MACROD2: variants seen among roughly 807,000 people sequenced by gnomAD.
MACROD2 encodes the protein ADP-ribose glycohydrolase MACROD2.
A neutral mutation model predicts 70.4 loss-of-function variants in MACROD2; 36 were observed. The observed-to-expected ratio is 0.51, with a 90% CI of 0.39 to 0.68. The LOEUF is 0.68. Ranked by LOEUF, MACROD2 falls within the 30% of genes least tolerant of loss-of-function variation. MACROD2 has a pLI of 0.00. For missense variants in MACROD2, 496 were observed against 538.4 expected, an observed-to-expected ratio of 0.92 and a Z score of 0.78; for synonymous variants, 172 against 178.8, an observed-to-expected ratio of 0.96 and a Z score of 0.30.
intron 2 of MACROD2, among the ~76,000 whole-genome samples, chr20:14,077,951 A>G (rs2053936248): frequency 1.4e-5 from 2 of 142,574 alleles, no homozygotes; most frequent in African/African-American, 5.3e-5. Flanking sequence ...TTCCCAGGCT[A>G]GAGTGCAATG....
intron 4 of MACROD2, among the ~76,000 whole-genome samples, chr20:14,528,000 C>G (rs1255448064): frequency 6.6e-6 from 1 of 152,102 alleles, no homozygotes; most frequent in Admixed American, 6.5e-5. Context: ...TTGCTTTTCT[C>G]AAGTCCATCC....
intron 6 of MACROD2, among the ~76,000 whole-genome samples, chr20:15,232,507 T>G (rs1339702212): frequency 2.6e-5 from 4 of 152,002 alleles, no homozygotes; most frequent in Non-Finnish European, 4.4e-5. Flanking sequence ...AAATTACTAC[T>G]GTTATTGCAG....
At chr20:14,075,162 G>T (rs1401894164) in intron 2 of MACROD2, among the ~76,000 whole-genome samples, 1 of 151,894 alleles carries the variant, frequency 6.6e-6, no homozygotes, top group African/African-American at 2.4e-5. Context: ...TGAAAGTTCT[G>T]TACTCAAAAA....
intron 3 of MACROD2, among the ~76,000 whole-genome samples, chr20:14,235,801 TA>T (rs1252762890): frequency 6.6e-6 from 1 of 152,208 alleles, no homozygotes; most frequent in Non-Finnish European, 1.5e-5. Flanking sequence ...ATTTTGGTTT[TA>T]AAAGTTGCAG....
intron 8 of MACROD2, among the ~76,000 whole-genome samples, chr20:15,746,132 T>A (rs1034559656): frequency 6.6e-6 from 1 of 152,126 alleles, no homozygotes; most frequent in Non-Finnish European, 1.5e-5. Flanking sequence ...ATAAAAATAT[T>A]GGGCTTTATA....
At chr20:14,514,012 A>C (rs185147206) in intron 4 of MACROD2, among the ~76,000 whole-genome samples, 10 of 152,202 alleles carry the variant, frequency 6.6e-5, no homozygotes, top group African/African-American at 2.4e-4. Flanking sequence ...CTCAAGGTTT[A>C]TTGTCTTTCT....
At chr20:14,733,856 C>A (rs2071626427) in intron 5 of MACROD2, among the ~76,000 whole-genome samples, 1 of 152,128 alleles carries the variant, frequency 6.6e-6, no homozygotes, top group Non-Finnish European at 1.5e-5. Flanking sequence ...AAGGACATAG[C>A]ATTTTGTTGG....
At chr20:15,216,482 C>T (rs2076811369) in intron 5 of MACROD2, among the ~76,000 whole-genome samples, 1 of 152,058 alleles carries the variant, frequency 6.6e-6, no homozygotes, top group African/African-American at 2.4e-5. Context: ...GTCTTTTTCT[C>T]ACAGTAGACG....
At chr20:15,940,156 C>T (rs992520640) in intron 12 of MACROD2, among the ~76,000 whole-genome samples, 13 of 152,002 alleles carry the variant, frequency 8.6e-5, no homozygotes, top group African/African-American at 2.2e-4. Context: ...TGCAATGGTG[C>T]GATCTTGGCT....
intron 6 of MACROD2, among the ~76,000 whole-genome samples, chr20:15,250,669 TA>T (rs922716893): frequency 1.3e-5 from 2 of 152,228 alleles, no homozygotes; most frequent in African/African-American, 4.8e-5. Context: ...CCTCTGTGTT[TA>T]GGGGGATCTT....
intron 8 of MACROD2, among the ~76,000 whole-genome samples, chr20:15,729,293 T>C (rs1466984314): frequency 1.3e-5 from 2 of 152,286 alleles, no homozygotes; most frequent in South Asian, 2.1e-4. Flanking sequence ...CTGAGCATTG[T>C]TTTATGGTTA....
chr20:14,852,691 C>T (rs931885107), intron 5 of MACROD2, among the ~76,000 whole-genome samples: 2 of 152,120 alleles, frequency 1.3e-5, no homozygotes, highest in African/African-American at 4.8e-5. Flanking sequence ...TCAGCCTGAC[C>T]TGGGGCATAG....
At chr20:15,648,207 A>G (rs2049583322) in intron 8 of MACROD2, among the ~76,000 whole-genome samples, 1 of 152,206 alleles carries the variant, frequency 6.6e-6, no homozygotes, top group Non-Finnish European at 1.5e-5. Flanking sequence ...TGGAAATAAG[A>G]GAAAGTAATA....
chr20:14,442,666 T>C (rs2084137321), intron 3 of MACROD2, among the ~76,000 whole-genome samples: 1 of 152,112 alleles, frequency 6.6e-6, no homozygotes, highest in Non-Finnish European at 1.5e-5. Context: ...CCTAATGCTC[T>C]TCTTCTGGTA....
chr20:14,971,451 G>GA (rs1172192513), intron 5 of MACROD2, among the ~76,000 whole-genome samples: 2 of 111,404 alleles, frequency 1.8e-5, no homozygotes, highest in Non-Finnish European at 3.8e-5. Flanking sequence ...GGTAAAGGGA[G>GA]GGGGGGGACT....
intron 8 of MACROD2, among the ~76,000 whole-genome samples, chr20:15,595,676 T>C (rs2048736974): frequency 6.6e-6 from 1 of 152,210 alleles, no homozygotes; most frequent in African/African-American, 2.4e-5. Flanking sequence ...ACTGTGACTT[T>C]AGTATGAATC....
At chr20:14,714,492 T>C (rs548942221) in intron 5 of MACROD2, among the ~76,000 whole-genome samples, 11 of 152,320 alleles carry the variant, frequency 7.2e-5, no homozygotes, top group Non-Finnish European at 1.3e-4. Flanking sequence ...AAATATATTC[T>C]TATTTTTTCC....
chr20:15,796,835 T>C (rs1298209066), intron 8 of MACROD2, among the ~76,000 whole-genome samples: 1 of 152,262 alleles, frequency 6.6e-6, no homozygotes, highest in Non-Finnish European at 1.5e-5. Context: ...ACATAGTTTA[T>C]AGTATCTCTT....
chr20:14,180,876 A>AT (rs1204122575), intron 3 of MACROD2, among the ~76,000 whole-genome samples: 1 of 152,054 alleles, frequency 6.6e-6, no homozygotes, highest in Admixed American at 6.6e-5. Flanking sequence ...TTTTAAAGTT[A>AT]TTTTTTATAA....
Sources: allele counts gnomAD v4.1 joint callset (sites outside exome capture counted in the v4.1 genomes callset), GRCh38; gene constraint gnomAD v4.1.1; transcripts MANE v1.5; gene names NCBI Gene and HGNC (gene_info 2026-07-23, HGNC 2026-07-21).